Variants in ERBB2 observed in about 807,000 individuals in gnomAD.
ERBB2 encodes erb-b2 receptor tyrosine kinase 2, also known as receptor tyrosine-protein kinase erbB-2.
In ERBB2, 61 loss-of-function variants were observed where a neutral mutation model predicts 149.0. That is an observed-to-expected ratio of 0.41 (90% CI 0.33 to 0.51). The LOEUF is 0.51. Among genes scored for constraint, ERBB2 ranks in the 20% least tolerant of loss-of-function variants. ERBB2 has a pLI of 0.25. For missense variants in ERBB2, 1,205 were observed against 1,655.1 expected (o/e 0.73, Z 4.72); for synonymous variants, 633 against 678.8 (o/e 0.93, Z 1.05).
At chr17:39,718,499 A>C (rs1016127330) in intron 15 of ERBB2, among the ~76,000 whole-genome samples, 2 of 152,132 alleles carry the variant, frequency 1.3e-5, no homozygotes, top group African/African-American at 4.8e-5. Flanking sequence ...GTTTGTGTAA[A>C]CCAAAAAGTG....
In ERBB2 at chr17:39,710,152, A is replaced by G. The variant is rs1276981083; in HGVS notation, c.710A>G (p.His237Arg). 1.9e-6 allele frequency: 3 copies of G among 1,612,594 alleles called. No individual in the cohort carries two copies. The highest frequency in any genetic ancestry group is 2.5e-6 in the Non-Finnish European group (3 of 1,179,852). ...GGGCCACTGCCCACTGACTGCTGCC[A>G]TGAGCAGTGTGCTGCCGGCTGCACG... ...CKGPLPTDCCHEQCAAGCTGP... is the reference protein window; with the variant it reads ...CKGPLPTDCCREQCAAGCTGP... Residue 237 changes from histidine (H) to arginine (R), a missense_variant, in exon 6 of 27, where the codon CAT (histidine) becomes CGT (arginine). Physicochemically the swap from His to Arg is conservative, Grantham distance 29. Around this residue, in one of 6 missense-constraint regions of ERBB2, gnomAD observed 569 missense variants for 803.5 expected, o/e 0.71. Coordinates refer to ENST00000269571, the MANE Select transcript of ERBB2 (RefSeq NM_004448.4).
intron 16 of ERBB2, among the ~76,000 whole-genome samples, chr17:39,721,037 C>T (rs1256553825): frequency 6.6e-6 from 1 of 152,192 alleles, no homozygotes; most frequent in Non-Finnish European, 1.5e-5. Flanking sequence ...AGGCTCACTG[C>T]AGCCTTGACC....
rs752875197 is a variant in ERBB2, at chr17:39,728,013, C to CA, written c.3738dup (p.Glu1247ArgfsTer30). 6 of 1,607,552 alleles carry CA rather than the reference C, an allele frequency of 3.7e-6. No homozygotes were observed. The Admixed American group carries it at 6.7e-5, about 18-fold the overall frequency. ...AAAGGGACACCTACGGCAGAGAACC[C>CA]AGAGTACCTGGGTCTGGACGTGCCA... On this transcript the variant is annotated frameshift_variant, in exon 27 of 27. Coordinates refer to ENST00000269571, the MANE Select transcript of ERBB2 (RefSeq NM_004448.4). LOFTEE classifies it high-confidence loss of function.
Position 39,723,995 on chromosome 17 carries a change from C to T in ERBB2, c.2292C>T (p.Asn764=), listed in dbSNP as rs139745101. ...VLRENTSPKA[N]KEILDEAYVM... ...GGGAAAACACATCCCCCAAAGCCAACAAAGAAATCTTAGACGTAAGCCCCT... is the reference window on the plus strand; with the variant it reads ...GGGAAAACACATCCCCCAAAGCCAATAAAGAAATCTTAGACGTAAGCCCCT... The change falls in exon 19 of 27, where the codon AAC becomes AAT. Residue 764 remains asparagine (N), a synonymous_variant. Coordinates refer to ENST00000269571, the MANE Select transcript of ERBB2 (RefSeq NM_004448.4). This position sits in a 1 kb window ranked among gnomAD's most constrained non-coding sequence, Gnocchi z 6.2. The T allele has an allele frequency of 4.3e-6, 7 of 1,613,392 alleles. No homozygotes were observed. In the African/African-American group the frequency reaches 9.3e-5, roughly 22 times the overall value.
Position 39,725,027 on chromosome 17 carries a change from A to G in ERBB2, c.2494-22A>G, listed in dbSNP as rs993239204. The G allele has an allele frequency of 1.5e-5, 25 of 1,613,952 alleles. No individual in the cohort carries two copies. The highest frequency in any genetic ancestry group is 2.1e-5 in the Non-Finnish European group (25 of 1,179,970). On this transcript the variant is annotated intron_variant, in intron 20 of 26. Coordinates refer to ENST00000269571, the MANE Select transcript of ERBB2 (RefSeq NM_004448.4). This position sits in a 1 kb window ranked among gnomAD's most constrained non-coding sequence, Gnocchi z 4.6. ...AGGCCCAGGCCCTCCCAGAAGGTCT[A>G]CATGGGTGCTTCCCATTCCAGGGGA...
intron 1 of ERBB2, among the ~76,000 whole-genome samples, chr17:39,705,420 C>T (rs2058367664): frequency 6.6e-6 from 1 of 152,152 alleles, no homozygotes; most frequent in African/African-American, 2.4e-5. Context: ...CCTGGCCTGC[C>T]ACCCCCAGCT....
At chr17:39,691,574 T>TATATATACACACAC (rs1244087250), upstream of ERBB2, among the ~76,000 whole-genome samples, 7 of 122,046 alleles carry the variant, frequency 5.7e-5, no homozygotes, top group African/African-American at 2.8e-4. Flanking sequence ...TATATATATA[T>TATATATACACACAC]ACACACACAC....
At chr17:39,721,995 C>A (rs926834951) in intron 16 of ERBB2, among the ~76,000 whole-genome samples, 1 of 151,816 alleles carries the variant, frequency 6.6e-6, no homozygotes, top group Non-Finnish European at 1.5e-5. Flanking sequence ...CTTGGCTCAC[C>A]GCAACCTCCA....
chr17:39,712,740 A>G (rs2058883359), intron 9 of ERBB2, among the ~76,000 whole-genome samples: 1 of 152,254 alleles, frequency 6.6e-6, no homozygotes. Context: ...CAAATTGGAA[A>G]TAACTCAAAT....
chr17:39,709,733 T>C (rs1039022324), intron 4 of ERBB2, 80 bp from the exon 5 acceptor site: 33 of 1,394,878 alleles, frequency 2.4e-5, no homozygotes, highest in Non-Finnish European at 3.0e-5. Context: ...TCTGCTGCTG[T>C]TTGTGCCTCT....
chr17:39,691,213 G>A (rs2057688013), upstream of ERBB2, among the ~76,000 whole-genome samples: 1 of 151,828 alleles, frequency 6.6e-6, no homozygotes, highest in Non-Finnish European at 1.5e-5. Flanking sequence ...TACTTTTCAT[G>A]GTCAGAGGAG....
At chr17:39,721,261 C>CTTTT (rs33957748) in intron 16 of ERBB2, among the ~76,000 whole-genome samples, 14 of 82,960 alleles carry the variant, frequency 1.7e-4, no homozygotes, top group East Asian at 3.1e-4. Context: ...TGAGCCAAGT[C>CTTTT]TTTTTTTTTT....
intron 8 of ERBB2, 134 bp from the exon 9 acceptor site, chr17:39,712,188 C>T (rs768558065): frequency 2.0e-6 from 3 of 1,521,804 alleles, no homozygotes; most frequent in South Asian, 2.3e-5. Flanking sequence ...CCTGGCCCCC[C>T]TCAGCCCTAC....
At chr17:39,715,232 G>A in intron 9 of ERBB2, 54 bp from the exon 10 acceptor site, 1 of 1,483,184 alleles carries the variant, frequency 6.7e-7, no homozygotes, top group Non-Finnish European at 9.4e-7. Context: ...CCAGTGCTGG[G>A]AGTGATGTCC....
chr17:39,691,032 G>A (rs1466676780), upstream of ERBB2, among the ~76,000 whole-genome samples: 2 of 138,386 alleles, frequency 1.4e-5, no homozygotes, highest in Non-Finnish European at 3.1e-5. Context: ...GCAAAACTCC[G>A]TTTCAAAAAA....
Position 39,723,674 on chromosome 17 carries a change from C to T in ERBB2, c.2208+14C>T, listed in dbSNP as rs923727164. On this transcript the variant is annotated intron_variant, in intron 18 of 26. Transcript: ENST00000269571. The surrounding 1 kb of genome is among the most constrained non-coding windows in gnomAD (Gnocchi z 6.2). ...ACAGTCTACAAGGTCAGGGCCAGGTCCTGGGGTGGGCGGCCCCAGAGGATG... is the reference window on the plus strand; with the variant it reads ...ACAGTCTACAAGGTCAGGGCCAGGTTCTGGGGTGGGCGGCCCCAGAGGATG... 7.5e-6 allele frequency: 12 copies of T among 1,596,944 alleles called. No individual in the cohort carries two copies. The highest frequency in any genetic ancestry group is 1.0e-5 in the Non-Finnish European group (12 of 1,171,904).
intron 7 of ERBB2, among the ~76,000 whole-genome samples, 164 bp from the exon 8 acceptor site, chr17:39,711,764 C>G (rs542492167): frequency 2.3e-4 from 35 of 152,300 alleles, no homozygotes; most frequent in African/African-American, 6.5e-4. Flanking sequence ...AGTGCTGATC[C>G]CGTCTGGTTG....
rs1026011929 is a variant in ERBB2 at position 39,700,301 on chromosome 17, G to A, written c.63G>A (p.Ala21=). Residue 21 remains alanine (A), a synonymous_variant, in exon 1 of 27, where the codon GCG becomes GCA. Transcript: ENST00000269571. Reference sequence around the variant, plus strand: ...TCGCCCTCTTGCCCCCCGGAGCCGCGAGCACCCAAGGTGGGTCTGGTGTGG... The same window carrying A: ...TCGCCCTCTTGCCCCCCGGAGCCGCAAGCACCCAAGGTGGGTCTGGTGTGG... ...LLLALLPPGA[A]STQVCTGTDM... is the part of the protein sequence containing the mutation. 6 of 1,425,722 alleles carry A rather than the reference G, an allele frequency of 4.2e-6. No individual in the cohort carries two copies. In the Admixed American group the frequency reaches 8.0e-5, roughly 19 times the overall value. 88.3% of individuals were successfully genotyped at this position (1,425,722 alleles called of 1,614,324 possible). A position where few individuals can be genotyped will look rare whatever the true frequency, so the allele number is the denominator to read the frequency against.
chr17:39,700,454 G>A (rs1477669193), intron 1 of ERBB2, 143 bp downstream of exon 1: 5 of 669,088 alleles, frequency 7.5e-6, no homozygotes, highest in Non-Finnish European at 1.1e-5. Context: ...GACGCTCAGG[G>A]CAGCCGGGCC....
Sources: gnomAD v4.1 joint callset for allele counts (sites outside exome capture counted in the v4.1 genomes callset) on GRCh38, gnomAD v4.1.1 for gene constraint, gnomAD v4.1.1 regional missense constraint, Gnocchi (gnomAD v3.1) non-coding constraint, MANE v1.5 for transcripts, NCBI Gene and HGNC (gene_info 2026-07-23, HGNC 2026-07-21) for gene names.